The following PXDNL variants were observed in gnomAD, a reference collection of about 807,000 sequenced individuals.
PXDNL encodes the protein peroxidasin like.
In PXDNL, 145 loss-of-function variants were observed where a neutral mutation model predicts 150.8. The observed-to-expected ratio is 0.96, with a 90% CI of 0.84 to 1.10. The LOEUF (loss-of-function observed/expected upper bound fraction) is 1.10. Among genes scored for constraint, PXDNL ranks in the 50% least tolerant of loss-of-function variants. The pLI is 0.00. For missense variants in PXDNL, 2,087 were observed against 1,873.9 expected (o/e 1.11, Z -2.10); for synonymous variants, 757 against 725.7 (o/e 1.04, Z -0.69).
intron 1 of PXDNL, among the ~76,000 whole-genome samples, chr8:51,758,860 C>T (rs1038309848): frequency 6.6e-6 from 1 of 152,212 alleles, no homozygotes; most frequent in Admixed American, 6.5e-5. Flanking sequence ...TGTGCTTGTG[C>T]TTTCTCTTAC....
intron 1 of PXDNL, among the ~76,000 whole-genome samples, chr8:51,742,843 A>G (rs2036922146): frequency 6.6e-6 from 1 of 152,090 alleles, no homozygotes; most frequent in African/African-American, 2.4e-5. Context: ...AATGTGACCC[A>G]AGCCCGAAGC....
At chr8:51,743,248 C>A (rs187775811) in intron 1 of PXDNL, among the ~76,000 whole-genome samples, 2 of 152,184 alleles carry the variant, frequency 1.3e-5, no homozygotes, top group East Asian at 3.9e-4. Flanking sequence ...GACAGGGTCT[C>A]ACTCTGTCAT....
At chr8:51,512,523 A>G (rs751147935) in intron 4 of PXDNL, among the ~76,000 whole-genome samples, 30 of 152,224 alleles carry the variant, frequency 2.0e-4, no homozygotes, top group Non-Finnish European at 4.1e-4. Flanking sequence ...ATGAATGAAT[A>G]TAACACACTC....
chr8:51,468,905 T>C (rs1265664680), intron 8 of PXDNL, among the ~76,000 whole-genome samples: 3 of 152,128 alleles, frequency 2.0e-5, no homozygotes, highest in Middle Eastern at 3.4e-3. Context: ...TTTAAAGTTG[T>C]TCAGTCCTTA....
chr8:51,654,568 C>T, intron 2 of PXDNL, 121 bp downstream of exon 2: 1 of 719,106 alleles, frequency 1.4e-6, no homozygotes, highest in South Asian at 1.6e-5. Flanking sequence ...AGTTATAAGA[C>T]ATCTACAAGG....
chr8:51,456,178 A>G (rs1459513405), intron 9 of PXDNL, among the ~76,000 whole-genome samples: 3 of 152,048 alleles, frequency 2.0e-5, no homozygotes, highest in Non-Finnish European at 4.4e-5. Context: ...ATCTAATTTT[A>G]ATCATCTCAG....
At chr8:51,779,707 G>T (rs1396109399) in intron 1 of PXDNL, among the ~76,000 whole-genome samples, 2 of 152,218 alleles carry the variant, frequency 1.3e-5, no homozygotes, top group African/African-American at 4.8e-5. Context: ...CATGTTCTTG[G>T]TAACCAGAAG....
chr8:51,477,682 T>G (rs1322265107), intron 6 of PXDNL, among the ~76,000 whole-genome samples: 1 of 152,224 alleles, frequency 6.6e-6, no homozygotes, highest in African/African-American at 2.4e-5. Flanking sequence ...ATGACGTTCC[T>G]CTGACTTGAA....
At chr8:51,655,648 G>A (rs909939000) in intron 1 of PXDNL, among the ~76,000 whole-genome samples, 9 of 152,110 alleles carry the variant, frequency 5.9e-5, no homozygotes, top group African/African-American at 1.9e-4. Context: ...GTTAACTGGG[G>A]GCAGCATCTC....
At chr8:51,592,287 C>CA (rs1366735448) in intron 3 of PXDNL, among the ~76,000 whole-genome samples, 3 of 151,962 alleles carry the variant, frequency 2.0e-5, no homozygotes, top group East Asian at 1.9e-4. Context: ...TAGCCAACAA[C>CA]AAAAAAACCC....
intron 1 of PXDNL, among the ~76,000 whole-genome samples, chr8:51,698,640 C>T (rs1385510438): frequency 6.6e-6 from 1 of 152,214 alleles, no homozygotes; most frequent in African/African-American, 2.4e-5. Flanking sequence ...TACCTTCTCT[C>T]ATGGATCACG....
intron 1 of PXDNL, among the ~76,000 whole-genome samples, chr8:51,675,374 C>G (rs1215735352): frequency 6.6e-6 from 1 of 152,122 alleles, no homozygotes; most frequent in Non-Finnish European, 1.5e-5. Context: ...TTCCTTCCCT[C>G]CAGAAGACAC....
chr8:51,457,194 AGAG>A (rs1809954805), intron 9 of PXDNL, among the ~76,000 whole-genome samples: 2 of 152,244 alleles, frequency 1.3e-5, no homozygotes, highest in Non-Finnish European at 2.9e-5. Context: ...ATTTTTGAAA[AGAG>A]TAATATTCCT....
intron 2 of PXDNL, among the ~76,000 whole-genome samples, chr8:51,636,971 C>T (rs1814617992): frequency 6.6e-6 from 1 of 152,088 alleles, no homozygotes; most frequent in African/African-American, 2.4e-5. Context: ...CCTCACACGG[C>T]TGGGTACCCC....
chr8:51,799,190 G>C (rs2129262138), intron 1 of PXDNL, among the ~76,000 whole-genome samples: 1 of 152,222 alleles, frequency 6.6e-6, no homozygotes, highest in Admixed American at 6.5e-5. Flanking sequence ...TGAACAATGA[G>C]ATCACATGGA....
At position 51,409,443 on chromosome 8, in the gene PXDNL, G is replaced by C. The variant is rs769699546; in HGVS notation, c.2181C>G (p.Tyr727Ter). ...TGTTGCACGTGCCGTCGTGGGCGCG[G>C]TACTTCGCATGGAAACACCGGTTGG... The part of the protein sequence containing the change: ...NCSNRCFHAK[Y>*]RAHDGTCNNL... Residue 727 changes from tyrosine (Y) to a stop codon, truncating the protein, a stop_gained, in exon 17 of 23, where the codon TAC becomes TAG. Transcript: ENST00000356297. LOFTEE classifies it high-confidence loss of function. 6.2e-7 allele frequency: 1 copy of C among 1,612,618 alleles called. No homozygotes were observed. Among genetic ancestry groups the C allele is most frequent in the South Asian group, 1.1e-5 (1 of 91,072 alleles).
intron 21 of PXDNL, among the ~76,000 whole-genome samples, chr8:51,322,064 A>T (rs1805336732): frequency 1.3e-5 from 2 of 152,206 alleles, no homozygotes; most frequent in African/African-American, 2.4e-5. Flanking sequence ...AGCGAAGGCC[A>T]TGTGAGGACA....
chr8:51,649,879 A>T (rs1034634128), intron 2 of PXDNL, among the ~76,000 whole-genome samples: 5 of 152,074 alleles, frequency 3.3e-5, no homozygotes, highest in African/African-American at 9.7e-5. Flanking sequence ...AGGTGGGTGG[A>T]TCACCTGAGG....
At position 51,325,658 on chromosome 8, in the gene PXDNL, G is replaced by C. The variant is rs544228798; in HGVS notation, c.4147-4761C>G. Among the ~76,000 whole-genome samples the C allele has an allele frequency of 1.0e-3, 157 of 152,296 alleles. 5 individuals are homozygous for C. The South Asian group carries it at 0.032, about 31-fold the overall frequency. On this transcript the variant is annotated intron_variant, in intron 21 of 22. Coordinates refer to ENST00000356297, the MANE Select transcript of PXDNL (RefSeq NM_144651.5). ...TCTCTGCAACCACCCCAGTGAAGAGGGAGGGGAGCTTCATTCCTGCTGGGT... is the reference window on the plus strand; with the variant it reads ...TCTCTGCAACCACCCCAGTGAAGAGCGAGGGGAGCTTCATTCCTGCTGGGT...
Sources: gnomAD v4.1 joint callset for allele counts (sites outside exome capture counted in the v4.1 genomes callset) on GRCh38, gnomAD v4.1.1 for gene constraint, MANE v1.5 for transcripts, NCBI Gene and HGNC (gene_info 2026-07-23, HGNC 2026-07-21) for gene names.